The following CIB1 variants were observed in gnomAD, a reference collection of about 807,000 sequenced individuals.
CIB1 encodes the protein calcium and integrin binding 1.
Under a neutral mutation model 25.0 loss-of-function variants are expected in CIB1, and 19 were observed. That is an observed-to-expected ratio of 0.76 (90% CI 0.53 to 1.12). The LOEUF is 1.12. Ranked by LOEUF, CIB1 falls within the 50% of genes most tolerant of loss-of-function variation. CIB1 has a pLI of 0.00. For missense variants in CIB1, 236 were observed against 242.6 expected (o/e 0.97, Z 0.18); for synonymous variants, 104 against 98.5 (o/e 1.06, Z -0.33).
chr15:90,264,161 T>C, the CIB1 span: 1 of 707,928 alleles, frequency 1.4e-6, no homozygotes, highest in Non-Finnish European at 2.3e-6. Context: ...CTTCCACCAG[T>C]GTAAGAATGG....
At chr15:90,239,073 C>G in the CIB1 span, among the ~76,000 whole-genome samples, 31 of 152,208 alleles carry the variant, frequency 2.0e-4, no homozygotes, top group Admixed American at 1.0e-3. Flanking sequence ...TTCATTGCCA[C>G]ATTGTGTATA....
the CIB1 span, chr15:90,264,046 A>G: frequency 2.0e-6 from 3 of 1,534,256 alleles, no homozygotes; most frequent in Non-Finnish European, 2.6e-6. Context: ...TGCCAGAATC[A>G]GGCTCACTAG....
At chr15:90,257,480 A>G in the CIB1 span, among the ~76,000 whole-genome samples, 6,784 of 151,888 alleles carry the variant, frequency 0.045, 501 homozygotes, top group African/African-American at 0.15. Flanking sequence ...CCCAGCACAC[A>G]CTCTTCCCCA....
At chr15:90,231,563 C>T (rs1962493305) in intron 3 of CIB1, 56 bp from the exon 4 acceptor site, 2 of 1,583,566 alleles carry the variant, frequency 1.3e-6, no homozygotes, top group South Asian at 1.1e-5. Flanking sequence ...TTAAAGCCTA[C>T]CAGAAACTTG....
At chr15:90,233,993 G>A, upstream of CIB1, 1 of 1,270,608 alleles carries the variant, frequency 7.9e-7, no homozygotes, top group Non-Finnish European at 1.0e-6. Context: ...AACCGCTCCT[G>A]GGGCCACCAC....
chr15:90,263,410 G>A, the CIB1 span: 7 of 488,672 alleles, frequency 1.4e-5, no homozygotes, highest in Non-Finnish European at 3.6e-6. Context: ...CTATATTCCT[G>A]TCCCAAAATA....
chr15:90,264,863 A>C, the CIB1 span: 4 of 1,536,036 alleles, frequency 2.6e-6, no homozygotes, highest in Non-Finnish European at 3.5e-6. Context: ...CTTGCCCTCC[A>C]TGGTAAACTC....
At chr15:90,249,327 G>A in the CIB1 span, among the ~76,000 whole-genome samples, 2 of 152,256 alleles carry the variant, frequency 1.3e-5, no homozygotes, top group East Asian at 3.9e-4. Flanking sequence ...AGATGGGAGT[G>A]CGGCGAGAAC....
chr15:90,233,787 G>T, intron 1 of CIB1, 48 bp downstream of exon 1: 2 of 1,551,164 alleles, frequency 1.3e-6, no homozygotes, highest in Non-Finnish European at 1.7e-6. Flanking sequence ...CCCTGCTCCC[G>T]AGAAGAGGCC....
At chr15:90,252,033 T>A in the CIB1 span, among the ~76,000 whole-genome samples, 2 of 147,290 alleles carry the variant, frequency 1.4e-5, no homozygotes, top group African/African-American at 5.1e-5. Flanking sequence ...ACCACTATGC[T>A]CACCTAATTC....
the CIB1 span, chr15:90,251,737 G>A: frequency 2.5e-6 from 2 of 788,864 alleles, no homozygotes; most frequent in Non-Finnish European, 4.3e-6. Flanking sequence ...GAGCTTCCTA[G>A]GTGTCCTCTG....
At chr15:90,251,619 A>G in the CIB1 span, 1 of 1,611,452 alleles carries the variant, frequency 6.2e-7, no homozygotes, top group Non-Finnish European at 8.5e-7. Flanking sequence ...CGTCGCTCAC[A>G]CTGTGGTGCA....
chr15:90,241,919 G>A, the CIB1 span: 1 of 1,614,108 alleles, frequency 6.2e-7, no homozygotes, highest in South Asian at 1.1e-5. Flanking sequence ...AGCTGGCTGG[G>A]CACCTCCCTG....
At chr15:90,256,568 T>TCTTTCTTTC in the CIB1 span, among the ~76,000 whole-genome samples, 1 of 29,894 alleles carries the variant, frequency 3.3e-5, no homozygotes, top group African/African-American at 1.3e-4. Context: ...TTTCTTTCTT[T>TCTTTCTTTC]CTTTCTTTCT....
At chr15:90,258,365 G>A in the CIB1 span, 3 of 1,068,640 alleles carry the variant, frequency 2.8e-6, no homozygotes, top group South Asian at 2.7e-5. Flanking sequence ...GTGGAACACA[G>A]AATGGGAGAT....
the CIB1 span, chr15:90,242,606 G>A: frequency 3.3e-5 from 5 of 150,876 alleles, no homozygotes; most frequent in Admixed American, 6.6e-5. Context: ...CACCAAACCC[G>A]GCTAATTTTT....
chr15:90,262,090 C>G, the CIB1 span: 2 of 1,536,092 alleles, frequency 1.3e-6, no homozygotes, highest in Non-Finnish European at 1.7e-6. Flanking sequence ...ACCGGCGGAT[C>G]TACCCTGGGC....
intron 3 of CIB1, 107 bp from the exon 4 acceptor site, chr15:90,231,614 C>T (rs1485039842): frequency 6.0e-6 from 8 of 1,326,766 alleles, no homozygotes; most frequent in East Asian, 2.4e-5. Context: ...AGCTCAGCCT[C>T]GTGGGGGTGA....
chr15:90,257,921 G>C, the CIB1 span: 9 of 1,060,458 alleles, frequency 8.5e-6, no homozygotes, highest in South Asian at 9.2e-5. Flanking sequence ...GCTCCAAACT[G>C]CTAGCAGCCC....
Sources: allele counts gnomAD v4.1 joint callset (sites outside exome capture counted in the v4.1 genomes callset), GRCh38; gene constraint gnomAD v4.1.1; transcripts MANE v1.5; gene names NCBI Gene and HGNC (gene_info 2026-07-23, HGNC 2026-07-21).